The following VAC14 variants were observed in gnomAD, a reference collection of about 807,000 sequenced individuals.
VAC14 encodes VAC14 component of PIKFYVE complex.
VAC14 carries 47 observed loss-of-function variants against 85.3 expected under a neutral mutation model. The observed-to-expected ratio is 0.55, with a 90% CI of 0.44 to 0.70. The LOEUF is 0.70. Ranked by LOEUF, VAC14 falls within the 30% of genes least tolerant of loss-of-function variation. The pLI is 0.00. For synonymous variants in VAC14, 447 were observed against 430.5 expected (o/e 1.04, Z -0.47); for missense variants, 861 against 1,004.3 (o/e 0.86, Z 1.93).
chr16:70,724,415 T>G (rs951503523), intron 14 of VAC14, among the ~76,000 whole-genome samples: 1 of 152,216 alleles, frequency 6.6e-6, no homozygotes, highest in Admixed American at 6.5e-5. Context: ...TGCCATGGAC[T>G]AGGGAACAAT....
intron 6 of VAC14, 86 bp downstream of exon 6, chr16:70,783,359 G>T: frequency 7.3e-7 from 1 of 1,373,192 alleles, no homozygotes; most frequent in Non-Finnish European, 1.0e-6. Context: ...CTGCCCTCCT[G>T]CCGCGGCCTC....
chr16:70,760,965 GT>G lies in VAC14; in HGVS notation c.1371+1574del, dbSNP rs2032290805. Among the ~76,000 whole-genome samples the G allele has an allele frequency of 3.6e-3, 220 of 60,728 alleles. 12 individuals carry two copies. The highest frequency in any genetic ancestry group is 0.012 in the African/African-American group (192 of 15,610). 39.8% of individuals were successfully genotyped at this position (60,728 alleles called of 152,430 possible). On this transcript the variant is annotated intron_variant, in intron 12 of 18. Coordinates refer to ENST00000261776, the MANE Select transcript of VAC14 (RefSeq NM_018052.5). ...AGGGGGTGGTGCACGAAGAGAGGGT[GT>G]GTGTGTGTGTGTGTGTGTGTGTGTG... is the stretch of plus-strand genomic sequence containing the variant.
chr16:70,742,154 C>T (rs1016484513), intron 13 of VAC14, among the ~76,000 whole-genome samples: 1 of 152,204 alleles, frequency 6.6e-6, no homozygotes, highest in Non-Finnish European at 1.5e-5. Flanking sequence ...GGCTGTGCTG[C>T]CTTCAAGTTC....
intron 13 of VAC14, among the ~76,000 whole-genome samples, chr16:70,739,267 T>A (rs2030020396): frequency 6.6e-6 from 1 of 152,142 alleles, no homozygotes; most frequent in African/African-American, 2.4e-5. Flanking sequence ...GTGCTCGTGA[T>A]CCCTACTGCT....
chr16:70,705,149 G>A (rs1321191406), intron 14 of VAC14, among the ~76,000 whole-genome samples: 1 of 152,204 alleles, frequency 6.6e-6, no homozygotes, highest in Non-Finnish European at 1.5e-5. Context: ...CCCAGTGACT[G>A]TTAGGACGCT....
intron 12 of VAC14, among the ~76,000 whole-genome samples, chr16:70,754,301 T>C (rs561810498): frequency 6.6e-4 from 100 of 152,270 alleles, no homozygotes; most frequent in African/African-American, 2.4e-3. Context: ...GTTCTGGGAC[T>C]GTTACCTTGC....
At chr16:70,763,090 T>G in intron 10 of VAC14, 65 bp from the exon 11 acceptor site, 1 of 1,605,356 alleles carries the variant, frequency 6.2e-7, no homozygotes, top group South Asian at 1.1e-5. Flanking sequence ...CATGGAGTCA[T>G]GGCACCACCC....
chr16:70,695,668 C>T, intron 16 of VAC14, 45 bp from the exon 17 acceptor site: 1 of 1,585,844 alleles, frequency 6.3e-7, no homozygotes, highest in Non-Finnish European at 8.7e-7. Flanking sequence ...GCCAGCACAG[C>T]CGCAGCTCAC....
In VAC14 at chr16:70,742,675, C is replaced by T. The variant is rs551130358; in HGVS notation, c.1528+1748G>A. On this transcript the variant is annotated intron_variant, in intron 13 of 18. Transcript: ENST00000261776. ...GGGCACAGGCAGCCCTGCAGGTCTC[C>T]GGCTGCCCCTTGAACTTCTCAGGCA... Among the ~76,000 whole-genome samples, 5 of 152,364 alleles carry T rather than the reference C, an allele frequency of 3.3e-5. No individual in the cohort carries two copies. The South Asian group carries it at 8.3e-4, about 25-fold the overall frequency.
At chr16:70,755,798 T>C (rs756611131) in intron 12 of VAC14, among the ~76,000 whole-genome samples, 8 of 152,228 alleles carry the variant, frequency 5.3e-5, no homozygotes, top group Admixed American at 3.3e-4. Flanking sequence ...GCCTCTACTT[T>C]AGTGGAAGCC....
intron 10 of VAC14, among the ~76,000 whole-genome samples, chr16:70,767,598 A>T (rs1300234900): frequency 6.6e-6 from 1 of 152,194 alleles, no homozygotes; most frequent in African/African-American, 2.4e-5. Flanking sequence ...CCTAAATCAA[A>T]TGAGTTAGGG....
intron 18 of VAC14, chr16:70,690,519 G>A: frequency 1.1e-5 from 11 of 985,644 alleles, no homozygotes; most frequent in South Asian, 4.7e-5. Flanking sequence ...GCCTTACTGA[G>A]GAGACAGTCA....
At chr16:70,787,902 G>A (rs954374676) in intron 1 of VAC14, among the ~76,000 whole-genome samples, 3 of 152,240 alleles carry the variant, frequency 2.0e-5, no homozygotes, top group Non-Finnish European at 4.4e-5. Flanking sequence ...ACTGTCTTAA[G>A]GAGCCTGGAG....
chr16:70,780,160 T>C (rs1416643320), intron 9 of VAC14, among the ~76,000 whole-genome samples: 1 of 152,014 alleles, frequency 6.6e-6, no homozygotes, highest in African/African-American at 2.4e-5. Context: ...TGGTTTCTTA[T>C]AATGCAGTTT....
chr16:70,728,641 C>T (rs951603588), intron 14 of VAC14, among the ~76,000 whole-genome samples: 4 of 152,216 alleles, frequency 2.6e-5, no homozygotes, highest in African/African-American at 7.2e-5. Flanking sequence ...CACTTCTGCT[C>T]CATGCAGCCT....
At chr16:70,703,107 G>C (rs1016635096) in intron 14 of VAC14, among the ~76,000 whole-genome samples, 1 of 152,230 alleles carries the variant, frequency 6.6e-6, no homozygotes. Context: ...GCCCGGCGGA[G>C]GCCTGGCAGA....
At chr16:70,749,269 ATG>A (rs2031182010) in intron 12 of VAC14, among the ~76,000 whole-genome samples, 1 of 152,252 alleles carries the variant, frequency 6.6e-6, no homozygotes, top group Non-Finnish European at 1.5e-5. Context: ...CCTGCAGAGA[ATG>A]TGCTTAGCCC....
At chr16:70,785,335 G>A (rs937148789) in intron 3 of VAC14, among the ~76,000 whole-genome samples, 8 of 152,168 alleles carry the variant, frequency 5.3e-5, no homozygotes, top group African/African-American at 1.9e-4. Context: ...CTTTTTCTAG[G>A]GCACTTATGA....
At chr16:70,700,207 AG>A (rs2053796622) in intron 14 of VAC14, 1 of 152,088 alleles carries the variant, frequency 6.6e-6, no homozygotes. Flanking sequence ...GGTAACAAAG[AG>A]GCCAGACCAC....
Sources: allele counts gnomAD v4.1 joint callset (sites outside exome capture counted in the v4.1 genomes callset), GRCh38; gene constraint gnomAD v4.1.1; transcripts MANE v1.5; gene names NCBI Gene and HGNC (gene_info 2026-07-23, HGNC 2026-07-21).